The following DNAH7 variants were observed in gnomAD, a reference collection of about 807,000 sequenced individuals.
The protein encoded by DNAH7 is dynein axonemal heavy chain 7, also known as axonemal beta dynein heavy chain 7.
A neutral mutation model predicts 444.6 loss-of-function variants in DNAH7; 397 were observed. That is an observed-to-expected ratio of 0.89 (90% confidence interval 0.82 to 0.97). DNAH7 has a LOEUF of 0.97. Among genes scored for constraint, DNAH7 ranks in the 50% least tolerant of loss-of-function variants. The probability of loss-of-function intolerance (pLI) is 0.00; values close to 1 mark genes in which losing one functional copy is unlikely to be tolerated. For synonymous variants in DNAH7, 1,636 were observed against 1,624.4 expected (o/e 1.01, Z -0.17); for missense variants, 4,902 against 4,800.8 (o/e 1.02, Z -0.62).
intron 36 of DNAH7, among the ~76,000 whole-genome samples, chr2:195,877,265 C>T (rs1290907887): frequency 6.6e-6 from 1 of 152,170 alleles, no homozygotes; most frequent in African/African-American, 2.4e-5. Flanking sequence ...CCCCTTCCCT[C>T]CCTCAAGAGT....
In DNAH7 at chr2:195,806,110, T is replaced by G. The variant is rs574139000; in HGVS notation, c.10176+630A>C. Among the ~76,000 whole-genome samples, 47 of 145,196 alleles carry G rather than the reference T, an allele frequency of 3.2e-4. 1 individual carries two copies. The East Asian group carries it at 0.011, about 34-fold the overall frequency. On this transcript the variant is annotated intron_variant, in intron 54 of 64. Transcript: ENST00000312428. Reference sequence around the variant, plus strand: ...TTTTCCAACATAGCTAATGTCTATTTTTTTTTTTTAGAGCACATTGATATC... The same window carrying G: ...TTTTCCAACATAGCTAATGTCTATTGTTTTTTTTTAGAGCACATTGATATC...
chr2:195,908,596 A>G lies in DNAH7; in HGVS notation c.4104+1431T>C, dbSNP rs1030487757. Among the ~76,000 whole-genome samples the G allele has an allele frequency of 4.6e-5, 7 of 152,228 alleles. No homozygotes were observed. In the South Asian group the frequency reaches 8.3e-4, roughly 18 times the overall value. Reference sequence around the variant, plus strand: ...CCTCTAGTTCCATCCATGTTGCCGCAAAAGACATGATTTCATTCTTTTTTA... The same window carrying G: ...CCTCTAGTTCCATCCATGTTGCCGCGAAAGACATGATTTCATTCTTTTTTA... On this transcript the variant is annotated intron_variant, in intron 25 of 64. Transcript: ENST00000312428.
At chr2:195,912,923 G>C (rs573207467) in intron 24 of DNAH7, among the ~76,000 whole-genome samples, 1 of 152,252 alleles carries the variant, frequency 6.6e-6, no homozygotes, top group Admixed American at 6.5e-5. Context: ...AGGGAGAAGG[G>C]AGCTTTAAAT....
intron 57 of DNAH7, among the ~76,000 whole-genome samples, chr2:195,790,659 T>G (rs995815598): frequency 6.6e-6 from 1 of 152,050 alleles, no homozygotes; most frequent in Non-Finnish European, 1.5e-5. Flanking sequence ...TGAAACTGGA[T>G]CCCCACATTT....
At chr2:196,062,716 T>C (rs1698196731) in intron 1 of DNAH7, among the ~76,000 whole-genome samples, 1 of 152,220 alleles carries the variant, frequency 6.6e-6, no homozygotes, top group Admixed American at 6.6e-5. Flanking sequence ...TTTCACTTTA[T>C]TGAAGACAGT....
At chr2:195,994,251 C>CTTCCACCATGAAG in intron 12 of DNAH7, 1 of 356,602 alleles carries the variant, frequency 2.8e-6, no homozygotes. Context: ...GCATAATCAA[C>CTTCCACCATGAAG]CATACCTGAA....
intron 23 of DNAH7, among the ~76,000 whole-genome samples, chr2:195,923,227 C>T (rs1365037569): frequency 6.6e-6 from 1 of 152,144 alleles, no homozygotes; most frequent in Non-Finnish European, 1.5e-5. Flanking sequence ...CCTTTAGATG[C>T]ATCAAGAACC....
intron 9 of DNAH7, among the ~76,000 whole-genome samples, chr2:196,016,070 T>C (rs1695002238): frequency 6.6e-6 from 1 of 152,190 alleles, no homozygotes; most frequent in African/African-American, 2.4e-5. Context: ...ACACTTTCTA[T>C]TGTTTTTTAA....
At chr2:196,035,317 T>A (rs997118968) in intron 5 of DNAH7, among the ~76,000 whole-genome samples, 3 of 152,222 alleles carry the variant, frequency 2.0e-5, no homozygotes, top group Non-Finnish European at 4.4e-5. Context: ...TAACAAAATG[T>A]GAAACTTTTT....
chr2:196,051,846 G>A (rs12620557), intron 2 of DNAH7, among the ~76,000 whole-genome samples: 5,706 of 152,188 alleles, frequency 0.037, 241 homozygotes, highest in African/African-American at 0.099. Flanking sequence ...GCCAGCTCTT[G>A]TAAGACACTG....
At chr2:195,844,028 G>A (rs1476679591) in intron 47 of DNAH7, among the ~76,000 whole-genome samples, 6 of 152,080 alleles carry the variant, frequency 3.9e-5, no homozygotes, top group Admixed American at 2.0e-4. Context: ...CCTGGGAGGC[G>A]GAGCTTGCAG....
chr2:196,026,527 T>C (rs1281990855), intron 7 of DNAH7, among the ~76,000 whole-genome samples: 1 of 152,168 alleles, frequency 6.6e-6, no homozygotes, highest in Non-Finnish European at 1.5e-5. Flanking sequence ...TATAATTTTC[T>C]TCAGTGCTAT....
chr2:196,068,554 C>G, intron 1 of DNAH7, 143 bp downstream of exon 1: 14 of 1,118,726 alleles, frequency 1.3e-5, no homozygotes, highest in Non-Finnish European at 1.8e-5. Context: ...CTCAGTAACC[C>G]AGGCCACAAG....
chr2:195,864,615 C>A lies in DNAH7; in HGVS notation c.7040G>T (p.Arg2347Met), dbSNP rs1444417615. 7 of 1,614,186 alleles carry A rather than the reference C, an allele frequency of 4.3e-6. No homozygotes were observed. The highest frequency in any genetic ancestry group is 5.9e-6 in the Non-Finnish European group (7 of 1,180,046). The stretch of plus-strand genomic sequence containing the variant: ...GGCAGCTAATCTGGTGACAGACTGC[C>A]TTCCACTCCCTCCAACCCCTACTAG... ...ALLVGVGGSG[R>M]QSVTRLAAHM... Residue 2347 changes from arginine (R) to methionine (M), a missense_variant, in exon 41 of 65, where the codon AGG becomes ATG. Coordinates refer to ENST00000312428, the MANE Select transcript of DNAH7 (RefSeq NM_018897.3).
intron 40 of DNAH7, among the ~76,000 whole-genome samples, chr2:195,866,755 C>A (rs1450627536): frequency 1.3e-5 from 2 of 151,898 alleles, no homozygotes; most frequent in Non-Finnish European, 2.9e-5. Context: ...TTTGTTTTTT[C>A]TTTTTCCTTA....
intron 15 of DNAH7, among the ~76,000 whole-genome samples, chr2:195,976,747 C>CAGAGAGAGAAAGAGAGAGAGAG: frequency 1.1e-5 from 1 of 90,542 alleles, no homozygotes; most frequent in South Asian, 5.5e-4. Context: ...GAGAGGCAGA[C>CAGAGAGAGAAAGAGAGAGAGAG]AGAGAGAGAG....
chr2:195,957,081 C>T (rs560116317), intron 19 of DNAH7, among the ~76,000 whole-genome samples, 180 bp downstream of exon 19: 1 of 152,142 alleles, frequency 6.6e-6, no homozygotes. Context: ...GGACAAAATA[C>T]CTACTTTTGC....
At chr2:196,068,327 G>A (rs145685227) in intron 1 of DNAH7, 1 of 320,332 alleles carries the variant, frequency 3.1e-6, no homozygotes, top group Admixed American at 5.0e-5. Flanking sequence ...AAGTCACATG[G>A]CTAGGAGTTG....
At chr2:195,999,255 A>G (rs781313242) in intron 12 of DNAH7, 2 of 713,552 alleles carry the variant, frequency 2.8e-6, no homozygotes, top group Middle Eastern at 2.3e-4. Context: ...GTAGAGGAAA[A>G]AAACAAAAGA....
Sources: allele counts gnomAD v4.1 joint callset (sites outside exome capture counted in the v4.1 genomes callset), GRCh38; gene constraint gnomAD v4.1.1; transcripts MANE v1.5; gene names NCBI Gene and HGNC (gene_info 2026-07-23, HGNC 2026-07-21).